The following PPAT variants were observed in gnomAD, a reference collection of about 807,000 sequenced individuals.
PPAT encodes the protein phosphoribosyl pyrophosphate amidotransferase.
In PPAT, 20 loss-of-function variants were observed where a neutral mutation model predicts 60.2. The ratio of observed to expected loss-of-function variants is 0.33; its 90% CI spans 0.23 to 0.48. PPAT has a LOEUF of 0.48. Among genes scored for constraint, PPAT ranks in the 20% least tolerant of loss-of-function variants. The pLI is 0.99. For synonymous variants in PPAT, 194 were observed against 215.1 expected, an observed-to-expected ratio of 0.90 and a Z score of 0.86; for missense variants, 349 against 629.6, an observed-to-expected ratio of 0.55 and a Z score of 4.77.
At chr4:56,403,486 A>T (rs1716170394) in intron 3 of PPAT, 85 bp from the exon 4 acceptor site, 1 of 1,038,972 alleles carries the variant, frequency 9.6e-7, no homozygotes, top group African/African-American at 1.6e-5. Context: ...AATGAAAATA[A>T]GGCATTCTGT....
chr4:56,422,388 T>G (rs756197442), intron 1 of PPAT: 1 of 152,040 alleles, frequency 6.6e-6, no homozygotes, highest in Non-Finnish European at 1.5e-5. Flanking sequence ...CTGAAGATGA[T>G]TCAGTCAGTA....
intron 1 of PPAT, among the ~76,000 whole-genome samples, chr4:56,423,774 T>G (rs988364123): frequency 6.6e-6 from 1 of 152,044 alleles, no homozygotes; most frequent in Non-Finnish European, 1.5e-5. Flanking sequence ...TATTTTAAAC[T>G]GTCACATGAA....
Position 56,435,565 on chromosome 4 carries a change from A to G in PPAT, c.-88T>C. The stretch of plus-strand genomic sequence containing the variant: ...TGCCAGCTCGGCCCGTCGAGCTCAG[A>G]AGCTCGCGCTCGCGACAGGCTCTTC... On this transcript the variant is annotated 5_prime_UTR_variant, in exon 1 of 11. Coordinates refer to ENST00000264220, the MANE Select transcript of PPAT (RefSeq NM_002703.5). 1 of 1,597,162 alleles carries G rather than the reference A, an allele frequency of 6.3e-7. No individual in the cohort carries two copies. The highest frequency in any genetic ancestry group is 8.5e-7 in the Non-Finnish European group (1 of 1,170,168).
chr4:56,416,529 G>T (rs1716760616), intron 1 of PPAT: 1 of 160,370 alleles, frequency 6.2e-6, no homozygotes, highest in Admixed American at 6.5e-5. Flanking sequence ...AATTTTTCCT[G>T]GAAGAAACAC....
intron 9 of PPAT, 95 bp downstream of exon 9, chr4:56,399,084 T>C: frequency 9.5e-7 from 1 of 1,047,174 alleles, no homozygotes; most frequent in Non-Finnish European, 1.4e-6. Context: ...TTTATTATAT[T>C]GAACATCCAT....
At chr4:56,411,419 T>C (rs1716456239) in intron 1 of PPAT, among the ~76,000 whole-genome samples, 1 of 152,166 alleles carries the variant, frequency 6.6e-6, no homozygotes, top group Non-Finnish European at 1.5e-5. Flanking sequence ...ATTTTAACAA[T>C]GAAGAAGAAC....
intron 1 of PPAT, among the ~76,000 whole-genome samples, chr4:56,430,687 C>T (rs972606585): frequency 8.6e-5 from 13 of 150,404 alleles, no homozygotes. Context: ...GCGGTTAACC[C>T]TTAGCAGTTT....
At chr4:56,423,726 G>A (rs78810224) in intron 1 of PPAT, among the ~76,000 whole-genome samples, 13,951 of 151,674 alleles carry the variant, frequency 0.092, 798 homozygotes, top group East Asian at 0.25. Context: ...TAGAAAATGT[G>A]AAACAGGACA....
chr4:56,410,850 G>T (rs1716415358), intron 1 of PPAT: 1 of 970,564 alleles, frequency 1.0e-6, no homozygotes, highest in Non-Finnish European at 1.2e-6. Flanking sequence ...GCAAATGGCA[G>T]GTACCTGGAA....
At chr4:56,432,024 A>T (rs1242855088) in intron 1 of PPAT, among the ~76,000 whole-genome samples, 1 of 152,200 alleles carries the variant, frequency 6.6e-6, no homozygotes, top group African/African-American at 2.4e-5. Context: ...GTACATCTGG[A>T]TGAACCCATC....
chr4:56,424,197 T>C (rs992222216), intron 1 of PPAT, among the ~76,000 whole-genome samples: 1 of 152,238 alleles, frequency 6.6e-6, no homozygotes, highest in Non-Finnish European at 1.5e-5. Flanking sequence ...CTTAAATGTA[T>C]GCTATAAGCC....
intron 1 of PPAT, chr4:56,410,712 T>C: frequency 1.0e-6 from 1 of 986,700 alleles, no homozygotes; most frequent in Non-Finnish European, 1.2e-6. Flanking sequence ...TACAAAAATC[T>C]CAAATATGAA....
chr4:56,412,160 G>C (rs1440449058), intron 1 of PPAT, among the ~76,000 whole-genome samples: 3 of 152,110 alleles, frequency 2.0e-5, no homozygotes, highest in Non-Finnish European at 4.4e-5. Context: ...ACTTCTTAAA[G>C]GGATCTTCAG....
At chr4:56,426,562 T>C (rs554967607) in intron 1 of PPAT, among the ~76,000 whole-genome samples, 1 of 152,340 alleles carries the variant, frequency 6.6e-6, no homozygotes, top group African/African-American at 2.4e-5. Flanking sequence ...GTCTGGCTTC[T>C]TTTGTTTCAC....
Position 56,395,151 on chromosome 4 carries a change from G to T in PPAT, c.*201C>A, listed in dbSNP as rs894393155. The stretch of plus-strand genomic sequence containing the variant: ...TGTAAAAAAAAGAACACCACATATT[G>T]TTGTATTATATGCAATTGGAAATGT... On this transcript the variant is annotated 3_prime_UTR_variant, in exon 11 of 11. Transcript: ENST00000264220. 2.6e-5 allele frequency: 13 copies of T among 501,088 alleles called. No homozygotes were observed. Among genetic ancestry groups the T allele is most frequent in the Non-Finnish European group, 3.9e-5 (11 of 284,788 alleles). The allele number at this position is 501,088 out of a possible 1,614,324, so 31.0% of individuals were successfully genotyped here.
chr4:56,410,901 A>T (rs1478871857), intron 1 of PPAT: 13 of 8,648 alleles, frequency 1.5e-3, no homozygotes, highest in Non-Finnish European at 2.0e-3. Flanking sequence ...ACTGAAGGTA[A>T]AAAAAAAAAA....
intron 1 of PPAT, among the ~76,000 whole-genome samples, chr4:56,427,043 G>A (rs1247614730): frequency 6.6e-6 from 1 of 151,812 alleles, no homozygotes; most frequent in Admixed American, 6.6e-5. Context: ...ATATCTTTAG[G>A]GCTCCTCCAT....
intron 1 of PPAT, among the ~76,000 whole-genome samples, chr4:56,430,860 A>G (rs2110068773): frequency 6.6e-6 from 1 of 152,104 alleles, no homozygotes; most frequent in Middle Eastern, 3.4e-3. Flanking sequence ...ATGTTACTGG[A>G]AAACCTGGGG....
chr4:56,435,082 T>C (rs1717824303), intron 1 of PPAT, among the ~76,000 whole-genome samples: 1 of 151,990 alleles, frequency 6.6e-6, no homozygotes, highest in African/African-American at 2.4e-5. Context: ...AGCCTCTGGA[T>C]GGGTGCACAC....
Sources: allele counts gnomAD v4.1 joint callset (sites outside exome capture counted in the v4.1 genomes callset), GRCh38; gene constraint gnomAD v4.1.1; transcripts MANE v1.5; gene names NCBI Gene and HGNC (gene_info 2026-07-23, HGNC 2026-07-21).